The following DRC8 variants were observed in gnomAD, a reference collection of about 807,000 sequenced individuals.
DRC8 encodes dynein regulatory complex subunit 8, also known as dynein regulatory complex protein 8.
chr1:245,025,310 T>TA, the DRC8 span, among the ~76,000 whole-genome samples: 1 of 152,190 alleles, frequency 6.6e-6, no homozygotes, highest in Non-Finnish European at 1.5e-5. Context: ...TCTAATGGAA[T>TA]AAAAGTACAC....
the DRC8 span, among the ~76,000 whole-genome samples, chr1:244,992,973 T>G: frequency 6.6e-6 from 1 of 152,178 alleles, no homozygotes; most frequent in Non-Finnish European, 1.5e-5. Context: ...GGTTCCTTAT[T>G]GGTTGTTGGC....
the DRC8 span, chr1:245,017,264 CA>C: frequency 6.2e-7 from 1 of 1,607,330 alleles, no homozygotes; most frequent in Non-Finnish European, 8.5e-7. Flanking sequence ...CAGAATTTCA[CA>C]AAAAAATCAA....
At chr1:245,100,096 A>G in the DRC8 span, among the ~76,000 whole-genome samples, 3 of 152,178 alleles carry the variant, frequency 2.0e-5, no homozygotes, top group Non-Finnish European at 4.4e-5. Context: ...TAAAATAATG[A>G]TGGTTTGGCC....
the DRC8 span, among the ~76,000 whole-genome samples, chr1:245,088,444 T>C: frequency 1.7e-4 from 26 of 152,222 alleles, no homozygotes; most frequent in East Asian, 5.0e-3. This position sits in a 1 kb window ranked among gnomAD's most constrained non-coding sequence, Gnocchi z 4.6. Flanking sequence ...AGGCATGTAG[T>C]CTTGCCCCCA....
chr1:245,102,355 T>C, the DRC8 span, among the ~76,000 whole-genome samples: 1 of 151,766 alleles, frequency 6.6e-6, no homozygotes, highest in African/African-American at 2.4e-5. Flanking sequence ...TATTTATTTA[T>C]TTATTTATTT....
At chr1:245,076,318 A>G in the DRC8 span, among the ~76,000 whole-genome samples, 2 of 152,198 alleles carry the variant, frequency 1.3e-5, no homozygotes, top group African/African-American at 4.8e-5. Flanking sequence ...CTTCACAACC[A>G]TCCTTTAGGT....
At chr1:245,004,812 G>A in the DRC8 span, among the ~76,000 whole-genome samples, 1 of 152,190 alleles carries the variant, frequency 6.6e-6, no homozygotes, top group Non-Finnish European at 1.5e-5. Flanking sequence ...TTATCCTGAT[G>A]AGGAAGTTCA....
At chr1:245,013,579 C>T in the DRC8 span, among the ~76,000 whole-genome samples, 1 of 149,046 alleles carries the variant, frequency 6.7e-6, no homozygotes, top group Admixed American at 6.7e-5. Flanking sequence ...AGAAACTAAA[C>T]ATCCACAATT....
chr1:245,100,395 G>GTAGTAA, the DRC8 span, among the ~76,000 whole-genome samples: 48 of 149,286 alleles, frequency 3.2e-4, no homozygotes, highest in South Asian at 1.5e-3. Context: ...AAAAGTAGTA[G>GTAGTAA]TAATAATAAT....
At chr1:244,980,445 G>A in the DRC8 span, among the ~76,000 whole-genome samples, 1 of 152,166 alleles carries the variant, frequency 6.6e-6, no homozygotes, top group East Asian at 1.9e-4. Flanking sequence ...TTGGGCAAGT[G>A]TGCTCAGTGG....
the DRC8 span, among the ~76,000 whole-genome samples, chr1:245,064,210 T>C: frequency 2.0e-5 from 3 of 152,152 alleles, no homozygotes; most frequent in Non-Finnish European, 4.4e-5. Context: ...CTTTCAGGAT[T>C]AGATCAAAGC....
chr1:245,015,739 TATCCAGA>T, the DRC8 span: 1 of 280,772 alleles, frequency 3.6e-6, no homozygotes, highest in East Asian at 1.3e-4. Flanking sequence ...AGAAAGAATA[TATCCAGA>T]ATGCTGACAT....
chr1:245,117,479 C>T, the DRC8 span, among the ~76,000 whole-genome samples: 6 of 151,936 alleles, frequency 3.9e-5, no homozygotes, highest in Non-Finnish European at 8.8e-5. Context: ...GGCTGGACTG[C>T]AGTGGTGCAA....
At chr1:245,113,286 A>G in the DRC8 span, among the ~76,000 whole-genome samples, 1 of 152,206 alleles carries the variant, frequency 6.6e-6, no homozygotes, top group African/African-American at 2.4e-5. Flanking sequence ...GCTCCTTCAT[A>G]AAGATCCTGA....
chr1:245,079,893 A>G, the DRC8 span, among the ~76,000 whole-genome samples: 8 of 152,370 alleles, frequency 5.3e-5, no homozygotes, highest in African/African-American at 1.9e-4. Context: ...CAAGTGCGTC[A>G]GAGCCATATG....
chr1:244,971,978 C>T, the DRC8 span, among the ~76,000 whole-genome samples: 1 of 121,270 alleles, frequency 8.2e-6, no homozygotes, highest in Non-Finnish European at 1.8e-5. Context: ...AAAAAAAAAG[C>T]CATTAGGAGA....
At chr1:245,081,402 C>G in the DRC8 span, among the ~76,000 whole-genome samples, 5 of 152,226 alleles carry the variant, frequency 3.3e-5, no homozygotes, top group African/African-American at 1.2e-4. Context: ...ACCTCGTGAT[C>G]CACCCACCTC....
the DRC8 span, among the ~76,000 whole-genome samples, chr1:245,110,605 C>T: frequency 2.6e-5 from 4 of 152,276 alleles, no homozygotes; most frequent in Admixed American, 6.5e-5. Flanking sequence ...GACAGCGCCC[C>T]GCTGAGGGCC....
the DRC8 span, among the ~76,000 whole-genome samples, chr1:245,108,194 C>T: frequency 2.6e-5 from 4 of 152,302 alleles, no homozygotes; most frequent in East Asian, 3.9e-4. Context: ...AAATGTTCCC[C>T]TCACCCTGAG....
Sources: gnomAD v4.1 joint callset for allele counts (sites outside exome capture counted in the v4.1 genomes callset) on GRCh38, gnomAD v4.1.1 for gene constraint, Gnocchi (gnomAD v3.1) non-coding constraint, MANE v1.5 for transcripts, NCBI Gene and HGNC (gene_info 2026-07-23, HGNC 2026-07-21) for gene names.